The following PIGX variants were observed in gnomAD, a reference collection of about 807,000 sequenced individuals.
PIGX encodes the protein GPI alpha-1,4-mannosyltransferase I, stabilizing subunit.
Under a neutral mutation model 28.7 loss-of-function variants are expected in PIGX, and 24 were observed. The ratio of observed to expected loss-of-function variants is 0.84; its 90% CI spans 0.60 to 1.17. The LOEUF is 1.17. PIGX is among the 50% of genes most tolerant of loss of function. The probability of loss-of-function intolerance (pLI) is 0.00; values close to 1 mark genes in which losing one functional copy is unlikely to be tolerated. For missense variants in PIGX, 305 were observed against 317.8 expected (o/e 0.96, Z 0.31); for synonymous variants, 127 against 121.0 (o/e 1.05, Z -0.33).
chr3:196,731,947 T>G (rs1687022360), intron 5 of PIGX, among the ~76,000 whole-genome samples: 1 of 151,522 alleles, frequency 6.6e-6, no homozygotes, highest in African/African-American at 2.4e-5. Flanking sequence ...TGTCTCAGCC[T>G]CCCGAGTAGC....
In PIGX at chr3:196,733,923, TC is replaced by T; in HGVS notation, c.*23del. On this transcript the variant is annotated 3_prime_UTR_variant, in exon 6 of 6. Transcript: ENST00000392391. The surrounding 1 kb of genome is among the most constrained non-coding windows in gnomAD (Gnocchi z 4.3). ...TATAAGTTTTATGTAGTTAAATGCT[TC>T]CTAGAAACCTAAATAAGATCTATTA... 1 of 1,439,990 alleles carries T rather than the reference TC, an allele frequency of 6.9e-7. No individual in the cohort carries two copies. Among genetic ancestry groups the T allele is most frequent in the Non-Finnish European group, 9.8e-7 (1 of 1,023,534 alleles). The allele number at this position is 1,439,990 out of a possible 1,614,324, so 89.2% of individuals were successfully genotyped here.
chr3:196,720,332 C>T (rs1712274995), intron 2 of PIGX, among the ~76,000 whole-genome samples: 1 of 152,216 alleles, frequency 6.6e-6, no homozygotes, highest in Admixed American at 6.5e-5. Context: ...TTTCACATAG[C>T]ATGATGTTCT....
At chr3:196,719,227 A>T (rs1712214383) in intron 2 of PIGX, among the ~76,000 whole-genome samples, 1 of 152,020 alleles carries the variant, frequency 6.6e-6, no homozygotes, top group Non-Finnish European at 1.5e-5. Context: ...GGTCTGGTTT[A>T]AATCTGTCTA....
In PIGX at chr3:196,712,656, G is replaced by A. The variant is rs879311880; in HGVS notation, c.112+12G>A. The stretch of plus-strand genomic sequence containing the variant: ...GCGCTCTGACGCCGGTAAGGGGGGC[G>A]GGGCTTGGGGGGCCAGAGCGTGGGA... On this transcript the variant is annotated intron_variant, in intron 1 of 5. Coordinates refer to ENST00000392391, the MANE Select transcript of PIGX (RefSeq NM_017861.4). The A allele has an allele frequency of 8.4e-7, 1 of 1,185,454 alleles. No individual in the cohort carries two copies. Among genetic ancestry groups the A allele is most frequent in the South Asian group, 4.2e-5 (1 of 23,792 alleles). The allele number at this position is 1,185,454 out of a possible 1,614,324, so 73.4% of individuals were successfully genotyped here. A position where few individuals can be genotyped will look rare whatever the true frequency, so the allele number is the denominator to read the frequency against.
intron 2 of PIGX, among the ~76,000 whole-genome samples, chr3:196,717,485 A>G (rs1194356009): frequency 2.0e-5 from 3 of 152,050 alleles, no homozygotes; most frequent in Non-Finnish European, 2.9e-5. Context: ...TCCCCTGAGG[A>G]CACCAAAGTC....
chr3:196,730,411 A>G (rs990096134), intron 4 of PIGX, among the ~76,000 whole-genome samples: 8 of 152,076 alleles, frequency 5.3e-5, no homozygotes, highest in African/African-American at 1.9e-4. Flanking sequence ...TTTACATTAA[A>G]TTTTTAAGAG....
intron 4 of PIGX, 73 bp downstream of exon 4, chr3:196,728,209 A>AGGCT: frequency 7.9e-7 from 1 of 1,264,108 alleles, no homozygotes; most frequent in Non-Finnish European, 1.1e-6. Flanking sequence ...TCCTTCTGCT[A>AGGCT]GGCTGGCTGG....
In PIGX at chr3:196,732,207, A is replaced by G. The variant is rs557740583; in HGVS notation, c.633+1115A>G. ...TTAAATATAGCTTTTAACTATATGT[A>G]TATATTATTTATATATATATATATA... is the stretch of plus-strand genomic sequence containing the variant. On this transcript the variant is annotated intron_variant, in intron 5 of 5. Coordinates refer to ENST00000392391, the MANE Select transcript of PIGX (RefSeq NM_017861.4). Among the ~76,000 whole-genome samples, 46 of 112,456 alleles carry G rather than the reference A, an allele frequency of 4.1e-4. 1 individual carries two copies. The South Asian group carries it at 4.1e-3, about 10-fold the overall frequency. 73.8% of individuals were successfully genotyped at this position (112,456 alleles called of 152,430 possible). A position where few individuals can be genotyped will look rare whatever the true frequency, so the allele number is the denominator to read the frequency against.
chr3:196,724,022 GTT>G (rs1462271791), intron 3 of PIGX, among the ~76,000 whole-genome samples: 8 of 129,962 alleles, frequency 6.2e-5, no homozygotes, highest in Non-Finnish European at 1.0e-4. Context: ...TTAATTTAAT[GTT>G]TTTTTTTTTT....
chr3:196,729,467 C>T (rs1288910391), intron 4 of PIGX, among the ~76,000 whole-genome samples: 4 of 150,568 alleles, frequency 2.7e-5, no homozygotes, highest in South Asian at 2.1e-4. Context: ...AGTGCAGTGG[C>T]GCAATCTCGG....
intron 3 of PIGX, among the ~76,000 whole-genome samples, chr3:196,725,631 A>G (rs1462584313): frequency 6.6e-6 from 1 of 152,204 alleles, no homozygotes; most frequent in Non-Finnish European, 1.5e-5. Context: ...TCAAGTATGT[A>G]GCTGAGTATT....
chr3:196,735,860 G>A lies in PIGX; in HGVS notation c.*1958G>A, dbSNP rs1325117880. The A allele has an allele frequency of 6.6e-6, 1 of 152,154 alleles. No individual in the cohort carries two copies. The highest frequency in any genetic ancestry group is 1.5e-5 in the Non-Finnish European group (1 of 68,036). 9.4% of individuals were successfully genotyped at this position (152,154 alleles called of 1,614,324 possible). A position where few individuals can be genotyped will look rare whatever the true frequency, so the allele number is the denominator to read the frequency against. On this transcript the variant is annotated 3_prime_UTR_variant, in exon 6 of 6. Coordinates refer to ENST00000392391, the MANE Select transcript of PIGX (RefSeq NM_017861.4). ...ACATCTTAAGAGTATGTGGGGGTATGTGTATACAGAATGTTTTTGTTTTTG... is the reference window on the plus strand; with the variant it reads ...ACATCTTAAGAGTATGTGGGGGTATATGTATACAGAATGTTTTTGTTTTTG...
At chr3:196,724,007 T>G (rs1296749343) in intron 3 of PIGX, among the ~76,000 whole-genome samples, 1 of 151,746 alleles carries the variant, frequency 6.6e-6, no homozygotes, top group Non-Finnish European at 1.5e-5. Flanking sequence ...GGACCTCATT[T>G]TTTTTTAATT....
chr3:196,713,340 T>C (rs945387177), intron 1 of PIGX, among the ~76,000 whole-genome samples: 6 of 151,862 alleles, frequency 4.0e-5, no homozygotes, highest in Admixed American at 6.6e-5. Context: ...CTCACTCTGT[T>C]GCCAGGCTGG....
chr3:196,722,927 T>A (rs1039153452), intron 3 of PIGX, among the ~76,000 whole-genome samples: 3 of 152,332 alleles, frequency 2.0e-5, no homozygotes, highest in Admixed American at 6.5e-5. Flanking sequence ...AACTAATATT[T>A]AATAGATGTC....
intron 4 of PIGX, chr3:196,728,714 G>A (rs1185999488): frequency 1.3e-6 from 1 of 766,282 alleles, no homozygotes; most frequent in African/African-American, 1.7e-5. Flanking sequence ...GGCTCCAGAA[G>A]AATGATCAGA....
At chr3:196,731,517 A>G (rs962245662) in intron 5 of PIGX, among the ~76,000 whole-genome samples, 5 of 152,132 alleles carry the variant, frequency 3.3e-5, no homozygotes, top group African/African-American at 1.2e-4. Flanking sequence ...GTTTTTTCTT[A>G]CAGCAAAGGG....
At chr3:196,732,297 T>G (rs1712840986) in intron 5 of PIGX, among the ~76,000 whole-genome samples, 2 of 121,410 alleles carry the variant, frequency 1.6e-5, no homozygotes, top group African/African-American at 6.5e-5. Flanking sequence ...TATTTTTTTT[T>G]TTGAGACGGA....
intron 5 of PIGX, among the ~76,000 whole-genome samples, chr3:196,732,335 G>A (rs1205583420): frequency 1.4e-5 from 2 of 138,224 alleles, no homozygotes; most frequent in East Asian, 2.2e-4. Flanking sequence ...AGGCTGGAGT[G>A]CAGTGGCACG....
Sources: allele counts gnomAD v4.1 joint callset (sites outside exome capture counted in the v4.1 genomes callset), GRCh38; gene constraint gnomAD v4.1.1; non-coding constraint Gnocchi (gnomAD v3.1); transcripts MANE v1.5; gene names NCBI Gene and HGNC (gene_info 2026-07-23, HGNC 2026-07-21).